Variants in LRMDA observed in about 807,000 individuals in gnomAD.
LRMDA encodes the protein leucine rich melanocyte differentiation associated.
A neutral mutation model predicts 29.8 loss-of-function variants in LRMDA; 18 were observed. That is an observed-to-expected ratio of 0.60 (90% confidence interval 0.42 to 0.90). The LOEUF (loss-of-function observed/expected upper bound fraction) is 0.90, where lower values mean the gene tolerates loss of function less well. Among genes scored for constraint, LRMDA ranks in the 40% least tolerant of loss-of-function variants. The probability of loss-of-function intolerance (pLI) is 0.00; values close to 1 mark genes in which losing one functional copy is unlikely to be tolerated. For synonymous variants in LRMDA, 125 were observed against 109.4 expected, an observed-to-expected ratio of 1.14 and a Z score of -0.89; for missense variants, 273 against 273.9, an observed-to-expected ratio of 1.00 and a Z score of 0.02.
intron 2 of LRMDA, among the ~76,000 whole-genome samples, chr10:75,510,180 G>T (rs1341245836): frequency 1.3e-5 from 2 of 152,270 alleles, no homozygotes; most frequent in South Asian, 2.1e-4. Context: ...TTGGGTACTT[G>T]GTGCTTGCTT....
chr10:75,922,887 A>G (rs900999121), intron 2 of LRMDA, among the ~76,000 whole-genome samples: 11 of 151,898 alleles, frequency 7.2e-5, no homozygotes, highest in Non-Finnish European at 1.3e-4. Flanking sequence ...TTCTTCATCT[A>G]TTATTGGTGG....
chr10:75,553,539 A>G (rs573422756), intron 2 of LRMDA, among the ~76,000 whole-genome samples: 256 of 152,182 alleles, frequency 1.7e-3, no homozygotes, highest in African/African-American at 5.9e-3. Flanking sequence ...CCCAGGTATG[A>G]GACTTTTTCT....
At chr10:76,549,726 G>GA (rs1231004367) in intron 6 of LRMDA, among the ~76,000 whole-genome samples, 2 of 151,776 alleles carry the variant, frequency 1.3e-5, no homozygotes, top group Non-Finnish European at 2.9e-5. Context: ...ATCAACCTGG[G>GA]AAAAAAAGGA....
At chr10:75,992,303 A>G (rs2057437) in intron 2 of LRMDA, among the ~76,000 whole-genome samples, 33,554 of 152,068 alleles carry the variant, frequency 0.22, 4,154 homozygotes, top group South Asian at 0.4. Flanking sequence ...AGTACCATGA[A>G]GAAAGATGTA....
At chr10:75,995,597 T>G (rs1323326554) in intron 2 of LRMDA, among the ~76,000 whole-genome samples, 2 of 152,194 alleles carry the variant, frequency 1.3e-5, no homozygotes, top group African/African-American at 4.8e-5. Context: ...TACTAGCTCT[T>G]GCCATACCTG....
chr10:75,599,147 ACGGCCTC>A (rs1444372826), intron 2 of LRMDA, among the ~76,000 whole-genome samples: 2 of 146,138 alleles, frequency 1.4e-5, no homozygotes, highest in African/African-American at 5.6e-5. Flanking sequence ...GCTGGCGTTC[ACGGCCTC>A]TGAGCCTCTG....
At chr10:75,878,724 C>A (rs1487230971) in intron 2 of LRMDA, among the ~76,000 whole-genome samples, 3 of 152,130 alleles carry the variant, frequency 2.0e-5, no homozygotes, top group African/African-American at 7.2e-5. Context: ...AGGGACCCCA[C>A]CCTTCTCTAC....
intron 2 of LRMDA, among the ~76,000 whole-genome samples, chr10:75,549,602 C>T (rs1376339472): frequency 6.6e-6 from 1 of 152,120 alleles, no homozygotes; most frequent in Non-Finnish European, 1.5e-5. Flanking sequence ...ACTACAGGTA[C>T]ATGCCACTGC....
chr10:75,667,969 A>G (rs969361744), intron 2 of LRMDA, among the ~76,000 whole-genome samples: 3 of 152,238 alleles, frequency 2.0e-5, no homozygotes, highest in South Asian at 2.1e-4. Context: ...ATCAACAGCA[A>G]CCACTCACAC....
chr10:76,329,862 A>G (rs1840883532), intron 6 of LRMDA, among the ~76,000 whole-genome samples: 2 of 152,252 alleles, frequency 1.3e-5, no homozygotes, highest in South Asian at 4.1e-4. Context: ...AATTATTTAA[A>G]ACATTTTTAG....
At chr10:76,542,042 T>C (rs1269844229) in intron 6 of LRMDA, among the ~76,000 whole-genome samples, 6 of 137,522 alleles carry the variant, frequency 4.4e-5, no homozygotes, top group African/African-American at 1.5e-4. Context: ...TGCATGCATG[T>C]AGGTGTGTGC....
chr10:76,460,675 T>C (rs1842502860), intron 6 of LRMDA, among the ~76,000 whole-genome samples: 1 of 152,214 alleles, frequency 6.6e-6, no homozygotes, highest in Admixed American at 6.5e-5. Context: ...AAGTGTAACT[T>C]GAATAGTGTT....
At chr10:76,507,584 A>G (rs371591415) in intron 6 of LRMDA, among the ~76,000 whole-genome samples, 2 of 152,144 alleles carry the variant, frequency 1.3e-5, no homozygotes, top group East Asian at 1.9e-4. Context: ...TTGTTATCCT[A>G]AAGTATTTCC....
chr10:75,759,421 C>G (rs1005330566), intron 2 of LRMDA, among the ~76,000 whole-genome samples: 2 of 152,130 alleles, frequency 1.3e-5, no homozygotes, highest in African/African-American at 4.8e-5. Flanking sequence ...TCTCTCTGCT[C>G]TCTCTAATGG....
chr10:75,794,353 G>A (rs1843617424), intron 2 of LRMDA, among the ~76,000 whole-genome samples: 1 of 152,094 alleles, frequency 6.6e-6, no homozygotes, highest in African/African-American at 2.4e-5. Flanking sequence ...TGGAAATTTG[G>A]ACTATTTATA....
chr10:75,888,866 C>T (rs1465670732), intron 2 of LRMDA, among the ~76,000 whole-genome samples: 3 of 152,174 alleles, frequency 2.0e-5, no homozygotes. Context: ...CTGGTAATTA[C>T]TAAGCGGGTC....
intron 2 of LRMDA, among the ~76,000 whole-genome samples, chr10:75,547,978 G>T (rs868347913): frequency 1.7e-4 from 26 of 152,032 alleles, no homozygotes; most frequent in South Asian, 2.1e-4. Context: ...CAAGAAGAGG[G>T]CTTATTTTAT....
intron 2 of LRMDA, among the ~76,000 whole-genome samples, chr10:75,897,193 A>G (rs1158226512): frequency 6.6e-6 from 1 of 152,218 alleles, no homozygotes; most frequent in Non-Finnish European, 1.5e-5. Flanking sequence ...AAGTTTAAAT[A>G]TGCCTCTTAG....
At chr10:75,887,503 T>A (rs1845410705) in intron 2 of LRMDA, among the ~76,000 whole-genome samples, 1 of 152,066 alleles carries the variant, frequency 6.6e-6, no homozygotes, top group South Asian at 2.1e-4. Context: ...CTAACTGAGG[T>A]GTTGGCAAAC....
Sources: allele counts gnomAD v4.1 joint callset (sites outside exome capture counted in the v4.1 genomes callset), GRCh38; gene constraint gnomAD v4.1.1; transcripts MANE v1.5; gene names NCBI Gene and HGNC (gene_info 2026-07-23, HGNC 2026-07-21).